Variants in MDFI observed in about 807,000 individuals in gnomAD.
MDFI encodes MyoD family inhibitor, also known as inhibitor of MyoD family a.
A neutral mutation model predicts 22.3 loss-of-function variants in MDFI; 16 were observed. The observed-to-expected ratio is 0.72, with a 90% CI of 0.49 to 1.09. The LOEUF (loss-of-function observed/expected upper bound fraction) is 1.09. Among genes scored for constraint, MDFI ranks in the 50% least tolerant of loss-of-function variants. The probability of loss-of-function intolerance (pLI) is 0.00; values close to 1 mark genes in which losing one functional copy is unlikely to be tolerated. For missense variants in MDFI, 314 were observed against 326.1 expected (o/e 0.96, Z 0.29); for synonymous variants, 145 against 142.7 (o/e 1.02, Z -0.12).
At position 41,653,992 on chromosome 6, in the gene MDFI, C is replaced by T. The variant is rs1341341318; in HGVS notation, c.*417C>T. 27 of 243,876 alleles carry T rather than the reference C, an allele frequency of 1.1e-4. No individual in the cohort carries two copies. In the East Asian group the frequency reaches 2.5e-3, roughly 23 times the overall value. 15.1% of individuals were successfully genotyped at this position (243,876 alleles called of 1,614,324 possible). On this transcript the variant is annotated 3_prime_UTR_variant, in exon 5 of 5. Coordinates refer to ENST00000230321, the MANE Select transcript of MDFI (RefSeq NM_005586.4). This position sits in a 1 kb window ranked among gnomAD's most constrained non-coding sequence, Gnocchi z 4.2. ...TGCTCCTGGTGCCTGCCTCTCTCCT[C>T]CACCCCAGGCTTAGAGGACAGAAAA...
chr6:41,642,403 G>A (rs1767884806), intron 2 of MDFI, among the ~76,000 whole-genome samples: 1 of 152,172 alleles, frequency 6.6e-6, no homozygotes, highest in Non-Finnish European at 1.5e-5. Flanking sequence ...TCTCCCCTGA[G>A]ATGTTCTCCC....
chr6:41,653,211 A>G lies in MDFI; in HGVS notation c.485-108A>G, dbSNP rs1768343450. 3 of 1,140,654 alleles carry G rather than the reference A, an allele frequency of 2.6e-6. No homozygotes were observed. The highest frequency in any genetic ancestry group is 3.0e-5 in the African/African-American group (2 of 66,506). 70.7% of individuals were successfully genotyped at this position (1,140,654 alleles called of 1,614,324 possible). ...AGCTTCAGGCACACAGTGAACACTCAGCGTCCCTGCTGCTGCCGCTGCCGC... is the reference window on the plus strand; with the variant it reads ...AGCTTCAGGCACACAGTGAACACTCGGCGTCCCTGCTGCTGCCGCTGCCGC... On this transcript the variant is annotated intron_variant, in intron 4 of 4. Coordinates refer to ENST00000230321, the MANE Select transcript of MDFI (RefSeq NM_005586.4). The surrounding 1 kb of genome is among the most constrained non-coding windows in gnomAD (Gnocchi z 4.2).
At position 41,653,198 on chromosome 6, in the gene MDFI, A is replaced by G; in HGVS notation, c.485-121A>G. On this transcript the variant is annotated intron_variant, in intron 4 of 4. Transcript: ENST00000230321. The surrounding 1 kb of genome is among the most constrained non-coding windows in gnomAD (Gnocchi z 4.2). ...GGACGGATTCGTGAGCTTCAGGCAC[A>G]CAGTGAACACTCAGCGTCCCTGCTG... 9.9e-7 allele frequency: 1 copy of G among 1,005,612 alleles called. No homozygotes were observed. Among genetic ancestry groups the G allele is most frequent in the Non-Finnish European group, 1.5e-6 (1 of 663,418 alleles). 62.3% of individuals were successfully genotyped at this position (1,005,612 alleles called of 1,614,324 possible).
At position 41,639,118 on chromosome 6, in the gene MDFI, C is replaced by T. The variant is rs180827100; in HGVS notation, c.76+293C>T. ...CACACAAACACACACACATACACTC[C>T]GCGGTGTCTGTCCGTCTGGGATTTG... On this transcript the variant is annotated intron_variant, in intron 2 of 4. Coordinates refer to ENST00000230321, the MANE Select transcript of MDFI (RefSeq NM_005586.4). The T allele has an allele frequency of 2.1e-4, 120 of 566,172 alleles. No homozygotes were observed. In the African/African-American group the frequency reaches 2.5e-3, roughly 12 times the overall value. 35.1% of individuals were successfully genotyped at this position (566,172 alleles called of 1,614,324 possible). A position where few individuals can be genotyped will look rare whatever the true frequency, so the allele number is the denominator to read the frequency against.
In MDFI at chr6:41,653,917, A is replaced by AGTTACTTGGGGAGGGTG. The variant is rs1768383621; in HGVS notation, c.*344_*360dup. 3.1e-6 allele frequency: 1 copy of AGTTACTTGGGGAGGGTG among 322,532 alleles called. No homozygotes were observed. Among genetic ancestry groups the AGTTACTTGGGGAGGGTG allele is most frequent in the Non-Finnish European group, 5.8e-6 (1 of 171,530 alleles). 20.0% of individuals were successfully genotyped at this position (322,532 alleles called of 1,614,324 possible). On this transcript the variant is annotated 3_prime_UTR_variant, in exon 5 of 5. Coordinates refer to ENST00000230321, the MANE Select transcript of MDFI (RefSeq NM_005586.4). The surrounding 1 kb of genome is among the most constrained non-coding windows in gnomAD (Gnocchi z 4.2). Reference sequence around the variant, plus strand: ...AGCCAGGGCTGGGGAACACTGTGAAAGTTACTTGGGGAGGGTGGGCCGGTG... The same window carrying AGTTACTTGGGGAGGGTG: ...AGCCAGGGCTGGGGAACACTGTGAAAGTTACTTGGGGAGGGTGGTTACTTGGGGAGGGTGGGCCGGTG...
rs1011629309 is a variant in MDFI, at chr6:41,653,771, C to T, written c.*196C>T. ...CACTCAGAGGGGCCACCTCCTCAGC[C>T]GTGGGTGGTGGGCCCATGGCAGAGA... is the stretch of plus-strand genomic sequence containing the variant. On this transcript the variant is annotated 3_prime_UTR_variant, in exon 5 of 5. Coordinates refer to ENST00000230321, the MANE Select transcript of MDFI (RefSeq NM_005586.4). The surrounding 1 kb of genome is among the most constrained non-coding windows in gnomAD (Gnocchi z 4.2). 13 of 667,986 alleles carry T rather than the reference C, an allele frequency of 1.9e-5. No homozygotes were observed. Among genetic ancestry groups the T allele is most frequent in the East Asian group, 5.5e-5 (2 of 36,598 alleles). The allele number at this position is 667,986 out of a possible 1,614,324, so 41.4% of individuals were successfully genotyped here.
intron 2 of MDFI, chr6:41,639,556 G>A (rs1347640358): frequency 4.5e-5 from 44 of 985,294 alleles, no homozygotes; most frequent in South Asian, 2.8e-4. Flanking sequence ...CTGGTTCTCA[G>A]TCCCTTCCCC....
At chr6:41,641,994 G>A (rs78728160) in intron 2 of MDFI, among the ~76,000 whole-genome samples, 3,298 of 152,214 alleles carry the variant, frequency 0.022, 114 homozygotes, top group African/African-American at 0.072. Context: ...CATCTGGGGC[G>A]TCTTTCCAGA....
chr6:41,645,813 C>G (rs1581835005), intron 2 of MDFI, among the ~76,000 whole-genome samples: 2 of 82,880 alleles, frequency 2.4e-5, no homozygotes, highest in African/African-American at 7.8e-5. Flanking sequence ...TCCGTCTGTT[C>G]TCCCGTGTTG....
intron 2 of MDFI, among the ~76,000 whole-genome samples, chr6:41,641,519 G>A (rs1271929754): frequency 4.6e-5 from 7 of 152,316 alleles, no homozygotes; most frequent in South Asian, 4.1e-4. Flanking sequence ...CGGTCTGCGT[G>A]GAACACAGGA....
chr6:41,640,525 C>T (rs1214813213), intron 2 of MDFI, among the ~76,000 whole-genome samples: 3 of 152,222 alleles, frequency 2.0e-5, no homozygotes, highest in Non-Finnish European at 2.9e-5. Flanking sequence ...GCTCTGCCAC[C>T]GCCTTGGGAG....
At chr6:41,639,909 C>T (rs1249174658) in intron 2 of MDFI, 2 of 985,468 alleles carry the variant, frequency 2.0e-6, no homozygotes, top group South Asian at 4.7e-5. Context: ...CTCTCCACTC[C>T]CCACCTACTT....
rs1338695747 is a variant in MDFI at position 41,653,456 on chromosome 6, G to A, written c.622G>A (p.Glu208Lys). The change falls in exon 5 of 5, where the codon GAG becomes AAG. Residue 208 changes from glutamate (E) to lysine (K), a missense_variant. Physicochemically the swap from Glu to Lys is moderately conservative, Grantham distance 56. Transcript: ENST00000230321. The surrounding 1 kb of genome is among the most constrained non-coding windows in gnomAD (Gnocchi z 4.2). ...CLCCCCCGSG[E>K]CADCDLPCDL... The stretch of plus-strand genomic sequence containing the variant: ...CTGCTGCTGCTGCTGTGGCTCTGGC[G>A]AGTGTGCCGACTGCGACCTGCCCTG... The A allele has an allele frequency of 3.1e-6, 5 of 1,605,060 alleles. No homozygotes were observed. The highest frequency in any genetic ancestry group is 2.2e-5 in the East Asian group (1 of 44,886).
At chr6:41,650,312 C>T (rs1367863732) in intron 4 of MDFI, among the ~76,000 whole-genome samples, 1 of 152,156 alleles carries the variant, frequency 6.6e-6, no homozygotes, top group Non-Finnish European at 1.5e-5. Context: ...ATCCAGACAC[C>T]CAACCAGCCG....
intron 3 of MDFI, among the ~76,000 whole-genome samples, chr6:41,649,087 T>G (rs1768162512): frequency 6.6e-6 from 1 of 152,214 alleles, no homozygotes. Flanking sequence ...GTAGAGGGGC[T>G]GCAGTGAGGA....
chr6:41,646,232 G>C lies in MDFI; in HGVS notation c.183G>C (p.Met61Ile), dbSNP rs1768047577. The change falls in exon 3 of 5, where the codon ATG becomes ATC. Residue 61 changes from methionine (M) to isoleucine (I), a missense_variant. Physicochemically the swap from Met to Ile is conservative, Grantham distance 10. Transcript: ENST00000230321. ...CCCTGGAGGAGGCGGCAACCCCCAT[G>C]CCCCAAGGCAATGGCCCTGGCATCC... ...EGSLEEAATP[M>I]PQGNGPGIPQ... 1.3e-6 allele frequency: 2 copies of C among 1,588,974 alleles called. No individual in the cohort carries two copies. The highest frequency in any genetic ancestry group is 8.6e-7 in the Non-Finnish European group (1 of 1,168,218).
chr6:41,647,559 C>T (rs553037138), intron 3 of MDFI, among the ~76,000 whole-genome samples: 62 of 152,254 alleles, frequency 4.1e-4, no homozygotes, highest in African/African-American at 1.5e-3. Flanking sequence ...GCTGGAGGCT[C>T]CCAGCATGGA....
rs1279605119 is a variant in MDFI, at chr6:41,653,816, G to A, written c.*241G>A. The stretch of plus-strand genomic sequence containing the variant: ...CAGAGAAGCCTGAACTCTTTACTGG[G>A]TTACCAGGTTCATACATTGCTGAGG... On this transcript the variant is annotated 3_prime_UTR_variant, in exon 5 of 5. Coordinates refer to ENST00000230321, the MANE Select transcript of MDFI (RefSeq NM_005586.4). This position sits in a 1 kb window ranked among gnomAD's most constrained non-coding sequence, Gnocchi z 4.2. 5.4e-6 allele frequency: 3 copies of A among 553,760 alleles called. No homozygotes were observed. In the African/African-American group the frequency reaches 5.7e-5, roughly 11 times the overall value. The allele number at this position is 553,760 out of a possible 1,614,324, so 34.3% of individuals were successfully genotyped here. A position where few individuals can be genotyped will look rare whatever the true frequency, so the allele number is the denominator to read the frequency against.
rs562458721 is a variant in MDFI, at chr6:41,653,995, C to T, written c.*420C>T. The T allele has an allele frequency of 3.6e-4, 88 of 241,180 alleles. No homozygotes were observed. In the South Asian group the frequency reaches 5.9e-3, roughly 16 times the overall value. The allele number at this position is 241,180 out of a possible 1,614,324, so 14.9% of individuals were successfully genotyped here. Reference sequence around the variant, plus strand: ...TCCTGGTGCCTGCCTCTCTCCTCCACCCCAGGCTTAGAGGACAGAAAAATG... The same window carrying T: ...TCCTGGTGCCTGCCTCTCTCCTCCATCCCAGGCTTAGAGGACAGAAAAATG... On this transcript the variant is annotated 3_prime_UTR_variant, in exon 5 of 5. Coordinates refer to ENST00000230321, the MANE Select transcript of MDFI (RefSeq NM_005586.4). This position sits in a 1 kb window ranked among gnomAD's most constrained non-coding sequence, Gnocchi z 4.2.
Sources: gnomAD v4.1 joint callset for allele counts (sites outside exome capture counted in the v4.1 genomes callset) on GRCh38, gnomAD v4.1.1 for gene constraint, Gnocchi (gnomAD v3.1) non-coding constraint, MANE v1.5 for transcripts, NCBI Gene and HGNC (gene_info 2026-07-23, HGNC 2026-07-21) for gene names.